The following MALRD1 variants were observed in gnomAD, a reference collection of about 807,000 sequenced individuals.
The protein encoded by MALRD1 is MAM and LDL-receptor class A domain-containing protein 1.
Under a neutral mutation model 242.1 loss-of-function variants are expected in MALRD1, and 247 were observed. The ratio of observed to expected loss-of-function variants is 1.02; its 90% CI spans 0.92 to 1.13. MALRD1 has a LOEUF of 1.13. MALRD1 is among the 50% of genes most tolerant of loss of function. The probability of loss-of-function intolerance (pLI) is 0.00; values close to 1 mark genes in which losing one functional copy is unlikely to be tolerated. For missense variants in MALRD1, 2,989 were observed against 2,533.1 expected (o/e 1.18, Z -3.86); for synonymous variants, 995 against 866.6 (o/e 1.15, Z -2.60).
At chr10:19,331,231 G>A in intron 23 of MALRD1, 138 bp from the exon 24 acceptor site, 2 of 718,572 alleles carry the variant, frequency 2.8e-6, no homozygotes, top group South Asian at 3.7e-5. Flanking sequence ...TCAACATAGG[G>A]ACATAAAAAA....
intron 8 of MALRD1, among the ~76,000 whole-genome samples, chr10:19,131,460 G>T (rs1276006972): frequency 6.6e-6 from 1 of 152,036 alleles, no homozygotes. Context: ...CCATTATTGG[G>T]TTAGATCTGC....
At chr10:19,645,364 G>A (rs186647529) in intron 36 of MALRD1, among the ~76,000 whole-genome samples, 5 of 152,106 alleles carry the variant, frequency 3.3e-5, no homozygotes, top group Non-Finnish European at 7.3e-5. Context: ...TTGAACCAGC[G>A]ATCCCATTAC....
chr10:19,344,905 G>A (rs906774157), intron 24 of MALRD1, among the ~76,000 whole-genome samples: 1 of 152,084 alleles, frequency 6.6e-6, no homozygotes, highest in East Asian at 1.9e-4. Flanking sequence ...GTAGAAAATA[G>A]TTTGATTGAT....
At chr10:19,365,641 G>A (rs1311691057) in intron 26 of MALRD1, among the ~76,000 whole-genome samples, 1 of 130,052 alleles carries the variant, frequency 7.7e-6, no homozygotes, top group African/African-American at 2.9e-5. Flanking sequence ...TCTGATAATT[G>A]ACATGTTTTA....
intron 28 of MALRD1, among the ~76,000 whole-genome samples, chr10:19,408,525 G>A (rs1833133353): frequency 6.6e-6 from 1 of 152,018 alleles, no homozygotes; most frequent in African/African-American, 2.4e-5. Flanking sequence ...TAAATAATCG[G>A]TGATATATTC....
At chr10:19,289,977 C>CAAA (rs1564533699) in intron 21 of MALRD1, among the ~76,000 whole-genome samples, 6 of 151,956 alleles carry the variant, frequency 3.9e-5, no homozygotes, top group Non-Finnish European at 8.8e-5. Context: ...AGAAAAAAAC[C>CAAA]CACAATAATA....
intron 29 of MALRD1, among the ~76,000 whole-genome samples, chr10:19,454,433 A>ATATATATATATAT: frequency 1.8e-5 from 1 of 55,430 alleles, no homozygotes; most frequent in South Asian, 5.4e-4. Flanking sequence ...TATATATATA[A>ATATATATATATAT]TTATATGATA....
intron 26 of MALRD1, among the ~76,000 whole-genome samples, chr10:19,368,824 C>T (rs924971782): frequency 7.4e-5 from 11 of 149,402 alleles, no homozygotes; most frequent in South Asian, 6.3e-4. Context: ...GACTTCAATT[C>T]GCTTTTTCCT....
intron 28 of MALRD1, among the ~76,000 whole-genome samples, chr10:19,439,582 C>T (rs976616670): frequency 2.6e-5 from 4 of 151,830 alleles, no homozygotes; most frequent in African/African-American, 9.7e-5. Flanking sequence ...TAAATAAAAC[C>T]GGTGCAGGAA....
intron 38 of MALRD1, among the ~76,000 whole-genome samples, chr10:19,728,172 G>A (rs1366878410): frequency 6.6e-6 from 1 of 152,144 alleles, no homozygotes; most frequent in Non-Finnish European, 1.5e-5. Flanking sequence ...GGAAGGATTT[G>A]CCATTCCTCA....
intron 2 of MALRD1, among the ~76,000 whole-genome samples, chr10:19,081,387 G>A (rs949710236): frequency 5.3e-5 from 8 of 152,156 alleles, no homozygotes; most frequent in East Asian, 1.9e-4. Context: ...ATGATAGACC[G>A]GATAAAGCAA....
intron 38 of MALRD1, among the ~76,000 whole-genome samples, chr10:19,705,424 C>T (rs1205998066): frequency 6.6e-6 from 1 of 152,176 alleles, no homozygotes; most frequent in African/African-American, 2.4e-5. Context: ...AAAACCGTTA[C>T]TCTCTCCACG....
At chr10:19,461,044 A>G (rs188452050) in intron 29 of MALRD1, among the ~76,000 whole-genome samples, 54 of 152,288 alleles carry the variant, frequency 3.5e-4, no homozygotes, top group Non-Finnish European at 6.6e-4. Context: ...TCCGTTGCAT[A>G]CATGCCTACT....
chr10:19,586,772 C>A (rs1416044575), intron 33 of MALRD1, among the ~76,000 whole-genome samples: 2 of 152,262 alleles, frequency 1.3e-5, no homozygotes, highest in African/African-American at 4.8e-5. Flanking sequence ...AGCTTCCTGG[C>A]TGCTTTGTTT....
chr10:19,480,167 G>C lies in MALRD1; in HGVS notation c.5030-11350G>C, dbSNP rs115397127. Among the ~76,000 whole-genome samples, 594 of 152,344 alleles carry C rather than the reference G, an allele frequency of 3.9e-3. 5 individuals are homozygous for C. The highest frequency in any genetic ancestry group is 0.014 in the African/African-American group (575 of 41,588). Reference sequence around the variant, plus strand: ...ATGCTTATCGTGAGATTGCTCATGAGTCAGGAGTAGAGAATGATAAACTAG... The same window carrying C: ...ATGCTTATCGTGAGATTGCTCATGACTCAGGAGTAGAGAATGATAAACTAG... On this transcript the variant is annotated intron_variant, in intron 29 of 39. Transcript: ENST00000454679.
At position 19,622,505 on chromosome 10, in the gene MALRD1, G is replaced by A. The variant is rs991761000; in HGVS notation, c.6137+6582G>A. Among the ~76,000 whole-genome samples, 19 of 151,754 alleles carry A rather than the reference G, an allele frequency of 1.3e-4. No homozygotes were observed. In the East Asian group the frequency reaches 1.6e-3, roughly 12 times the overall value. The stretch of plus-strand genomic sequence containing the variant: ...TTTCCTGGATAGTTGACTCAACATC[G>A]TAAAGGTGTTACTTCTCCCTAGATA... On this transcript the variant is annotated intron_variant, in intron 36 of 39. Transcript: ENST00000454679.
chr10:19,160,180 G>T (rs1834337246), intron 12 of MALRD1, among the ~76,000 whole-genome samples: 1 of 152,070 alleles, frequency 6.6e-6, no homozygotes, highest in Non-Finnish European at 1.5e-5. Context: ...AAATTTCCTT[G>T]AATTTTGTCA....
intron 18 of MALRD1, among the ~76,000 whole-genome samples, chr10:19,238,538 A>ATAATG (rs1838580956): frequency 1.3e-5 from 1 of 74,752 alleles, no homozygotes; most frequent in African/African-American, 4.4e-5. Context: ...TATACATTAT[A>ATAATG]TATAATATAT....
At chr10:19,283,894 C>G (rs183817022) in intron 21 of MALRD1, among the ~76,000 whole-genome samples, 3 of 152,150 alleles carry the variant, frequency 2.0e-5, no homozygotes, top group African/African-American at 7.2e-5. Flanking sequence ...TAGAAATAAA[C>G]GAGTGACTGA....
Sources: gnomAD v4.1 joint callset for allele counts (sites outside exome capture counted in the v4.1 genomes callset) on GRCh38, gnomAD v4.1.1 for gene constraint, MANE v1.5 for transcripts, NCBI Gene and HGNC (gene_info 2026-07-23, HGNC 2026-07-21) for gene names.